The following TCF4 variants were observed in gnomAD, a reference collection of about 807,000 sequenced individuals.
TCF4 encodes SL3-3 enhancer factor 2.
Under a neutral mutation model 82.1 loss-of-function variants are expected in TCF4, and 3 were observed. The observed-to-expected ratio is 0.04, with a 90% CI of 0.02 to 0.09. TCF4 has a LOEUF of 0.09. Ranked by LOEUF, TCF4 falls within the 10% of genes least tolerant of loss-of-function variation. The pLI is 1.00. For missense variants in TCF4, 518 were observed against 852.7 expected, an observed-to-expected ratio of 0.61 and a Z score of 4.89; for synonymous variants, 276 against 309.6, an observed-to-expected ratio of 0.89 and a Z score of 1.14.
At chr18:55,302,421 C>G (rs1291719236) in intron 8 of TCF4, 2 of 1,536,342 alleles carry the variant, frequency 1.3e-6, no homozygotes, top group South Asian at 2.4e-5. Context: ...CTTACCTCTG[C>G]TTTCCCTTCG....
intron 8 of TCF4, among the ~76,000 whole-genome samples, chr18:55,325,531 T>C (rs969168231): frequency 6.6e-6 from 1 of 152,282 alleles, no homozygotes; most frequent in Middle Eastern, 3.4e-3. Flanking sequence ...CATATTGCAG[T>C]GTAAGGCAGG....
rs545341480 is a variant in TCF4, at chr18:55,412,349, G to GTTT, written c.305-8834_305-8832dup. The stretch of plus-strand genomic sequence containing the variant: ...GTGCTCATCTCCAATAATGAAGGCT[G>GTTT]TTTTTTTTTTTTTTAAGAAATCGAT... On this transcript the variant is annotated intron_variant, in intron 5 of 19. Transcript: ENST00000354452. Among the ~76,000 whole-genome samples the GTTT allele has an allele frequency of 9.6e-3, 1,357 of 141,082 alleles. 16 individuals carry two copies. Among genetic ancestry groups the GTTT allele is most frequent in the African/African-American group, 0.032 (1,251 of 39,106 alleles). 92.6% of individuals were successfully genotyped at this position (141,082 alleles called of 152,430 possible). A position where few individuals can be genotyped will look rare whatever the true frequency, so the allele number is the denominator to read the frequency against.
At chr18:55,518,351 A>G (rs759845574) in intron 3 of TCF4, among the ~76,000 whole-genome samples, 2 of 152,232 alleles carry the variant, frequency 1.3e-5, no homozygotes, top group African/African-American at 4.8e-5. Context: ...TCAAGAAGCT[A>G]TAAAAACTGC....
At chr18:55,539,179 C>G (rs1167421081) in intron 3 of TCF4, among the ~76,000 whole-genome samples, 1 of 152,114 alleles carries the variant, frequency 6.6e-6, no homozygotes. Context: ...ATTAGCAGAT[C>G]TATGGGCCCT....
At chr18:55,604,343 G>T (rs1361752490) in intron 2 of TCF4, among the ~76,000 whole-genome samples, 1 of 152,044 alleles carries the variant, frequency 6.6e-6, no homozygotes, top group Admixed American at 6.5e-5. Context: ...GAAGTTTTTG[G>T]TTTGGGTTGG....
At chr18:55,283,563 T>C (rs2063056766) in intron 8 of TCF4, among the ~76,000 whole-genome samples, 1 of 152,208 alleles carries the variant, frequency 6.6e-6, no homozygotes, top group Admixed American at 6.5e-5. Flanking sequence ...ACAAGGTGGA[T>C]ATTATTAATA....
chr18:55,493,632 G>C (rs2096598340), intron 3 of TCF4, among the ~76,000 whole-genome samples: 1 of 151,938 alleles, frequency 6.6e-6, no homozygotes, highest in African/African-American at 2.4e-5. Flanking sequence ...GAAAAATGTG[G>C]GAAAGTTAAT....
chr18:55,300,126 C>A (rs1349818853), intron 8 of TCF4, among the ~76,000 whole-genome samples: 1 of 148,756 alleles, frequency 6.7e-6, no homozygotes, highest in Non-Finnish European at 1.5e-5. Context: ...ACACACACAC[C>A]CCACATTAAT....
At chr18:55,285,201 T>C (rs1374502520) in intron 8 of TCF4, among the ~76,000 whole-genome samples, 1 of 152,162 alleles carries the variant, frequency 6.6e-6, no homozygotes. Context: ...CATACACAGA[T>C]TTGGCAGATT....
At chr18:55,239,847 C>A (rs1035471864) in intron 15 of TCF4, among the ~76,000 whole-genome samples, 2 of 152,160 alleles carry the variant, frequency 1.3e-5, no homozygotes, top group Admixed American at 1.3e-4. Flanking sequence ...AAAAGACATT[C>A]AATATTTTTG....
chr18:55,365,225 G>GTGTGTGTGTATATATA (rs1403360403), intron 6 of TCF4, among the ~76,000 whole-genome samples: 4 of 137,586 alleles, frequency 2.9e-5, no homozygotes, highest in Non-Finnish European at 6.1e-5. Context: ...ATATGTGTGT[G>GTGTGTGTGTATATATA]TGTGTGTGTA....
At chr18:55,380,926 G>A (rs1425539867) in intron 6 of TCF4, among the ~76,000 whole-genome samples, 1 of 152,194 alleles carries the variant, frequency 6.6e-6, no homozygotes, top group East Asian at 1.9e-4. Context: ...CCCGTTTCCT[G>A]TGTGATCTAG....
intron 3 of TCF4, among the ~76,000 whole-genome samples, chr18:55,565,775 A>T (rs1048041924): frequency 6.6e-5 from 10 of 152,194 alleles, no homozygotes; most frequent in Non-Finnish European, 7.3e-5. Context: ...AAGCCAAAAA[A>T]AAAACCAGAA....
intron 3 of TCF4, 120 bp from the exon 4 acceptor site, chr18:55,464,257 C>T (rs3760600): frequency 1.2e-5 from 10 of 851,902 alleles, no homozygotes; most frequent in East Asian, 2.5e-5. Flanking sequence ...AACCAGGCAC[C>T]GGGCTACCAT....
chr18:55,483,510 C>CA (rs2096471570), intron 3 of TCF4, among the ~76,000 whole-genome samples: 1 of 152,206 alleles, frequency 6.6e-6, no homozygotes, highest in African/African-American at 2.4e-5. Context: ...GTCTCAAGCT[C>CA]AGTGATTTCT....
At chr18:55,243,891 A>G (rs1385874376) in intron 15 of TCF4, among the ~76,000 whole-genome samples, 1 of 152,150 alleles carries the variant, frequency 6.6e-6, no homozygotes, top group Non-Finnish European at 1.5e-5. Flanking sequence ...TTTCTGTTCT[A>G]TTTAATGGAG....
chr18:55,462,538 C>A (rs945136033), intron 4 of TCF4, among the ~76,000 whole-genome samples: 1 of 152,116 alleles, frequency 6.6e-6, no homozygotes, highest in Non-Finnish European at 1.5e-5. Context: ...AAATTATTCA[C>A]CAATATATTC....
chr18:55,367,861 A>C (rs1360662949), intron 6 of TCF4, among the ~76,000 whole-genome samples: 2 of 152,244 alleles, frequency 1.3e-5, no homozygotes, highest in Non-Finnish European at 2.9e-5. Context: ...TAGGGAGAAG[A>C]AGCTTCATTA....
At chr18:55,436,169 G>A (rs2095325133) in intron 5 of TCF4, among the ~76,000 whole-genome samples, 6 of 152,100 alleles carry the variant, frequency 3.9e-5, no homozygotes, top group African/African-American at 1.4e-4. Context: ...AAAGTTATGG[G>A]TATTCTTGAA....
Sources: allele counts gnomAD v4.1 joint callset (sites outside exome capture counted in the v4.1 genomes callset), GRCh38; gene constraint gnomAD v4.1.1; transcripts MANE v1.5; gene names NCBI Gene and HGNC (gene_info 2026-07-23, HGNC 2026-07-21).